UNC79: variants seen among roughly 807,000 people sequenced by gnomAD.
UNC79 encodes the protein protein unc-79 homolog.
UNC79 carries 37 observed loss-of-function variants against 283.1 expected under a neutral mutation model. The ratio of observed to expected loss-of-function variants is 0.13; its 90% CI spans 0.10 to 0.17. UNC79 has a LOEUF of 0.17. Ranked by LOEUF, UNC79 falls within the 10% of genes least tolerant of loss-of-function variation. The pLI is 1.00. For missense variants in UNC79, 2,272 were observed against 3,211.1 expected (o/e 0.71, Z 7.07); for synonymous variants, 1,107 against 1,200.2 (o/e 0.92, Z 1.61).
At chr14:93,373,071 A>T (rs978141102) in intron 1 of UNC79, among the ~76,000 whole-genome samples, 1 of 152,222 alleles carries the variant, frequency 6.6e-6, no homozygotes, top group African/African-American at 2.4e-5. Context: ...ATAACACATG[A>T]GTCAAAGAGG....
chr14:93,630,572 C>A (rs1238685435), intron 30 of UNC79, among the ~76,000 whole-genome samples: 2 of 152,208 alleles, frequency 1.3e-5, no homozygotes, highest in Admixed American at 6.5e-5. Context: ...ATTTTGCTAT[C>A]ATTAATCTCC....
chr14:93,655,544 A>T, intron 38 of UNC79, 137 bp downstream of exon 41: 1 of 1,011,526 alleles, frequency 9.9e-7, no homozygotes, highest in South Asian at 1.8e-5. Context: ...TGGAGTGAGG[A>T]TGCTTATTTG....
chr14:93,522,821 T>C lies in UNC79; in HGVS notation c.899-1157T>C, dbSNP rs1309809740. Among the ~76,000 whole-genome samples the C allele has an allele frequency of 6.6e-5, 10 of 152,276 alleles. 2 individuals are homozygous for C. Among genetic ancestry groups the C allele is most frequent in the Admixed American group, 6.5e-4 (10 of 15,290 alleles). The stretch of plus-strand genomic sequence containing the variant: ...GTATATTTTTAAATGTCAGTCGTTC[T>C]GGTAACTATATTTCCGTGAATCCCC... On this transcript the variant is annotated intron_variant, in intron 7 of 48. Coordinates refer to ENST00000555664, the Ensembl canonical transcript of UNC79.
intron 1 of UNC79, among the ~76,000 whole-genome samples, chr14:93,392,126 C>T (rs1485057011): frequency 4.6e-5 from 7 of 152,174 alleles, no homozygotes; most frequent in African/African-American, 1.7e-4. Flanking sequence ...AGACATGAAT[C>T]TTAATGTATA....
chr14:93,629,754 A>T (rs1465598933), intron 30 of UNC79, among the ~76,000 whole-genome samples: 3 of 152,224 alleles, frequency 2.0e-5, no homozygotes, highest in African/African-American at 7.2e-5. Flanking sequence ...GCAAGAAAAA[A>T]CAATTTGCAC....
At chr14:93,615,443 G>A (rs1016641717) in intron 27 of UNC79, among the ~76,000 whole-genome samples, 1 of 151,956 alleles carries the variant, frequency 6.6e-6, no homozygotes, top group Non-Finnish European at 1.5e-5. Flanking sequence ...TAAAATCAAG[G>A]CTGGGCATGG....
intron 5 of UNC79, among the ~76,000 whole-genome samples, chr14:93,492,574 G>A (rs2058782817): frequency 6.6e-6 from 1 of 152,058 alleles, no homozygotes; most frequent in East Asian, 1.9e-4. Flanking sequence ...GACTGGCCTC[G>A]AACTCCTGAC....
chr14:93,364,975 A>G (rs1226092035), intron 1 of UNC79, among the ~76,000 whole-genome samples: 1 of 152,134 alleles, frequency 6.6e-6, no homozygotes, highest in Admixed American at 6.5e-5. Context: ...GCTCATGACT[A>G]TAATCTCAAC....
At chr14:93,619,830 C>A (rs1467392804) in intron 29 of UNC79, among the ~76,000 whole-genome samples, 2 of 152,124 alleles carry the variant, frequency 1.3e-5, no homozygotes, top group African/African-American at 4.8e-5. Flanking sequence ...AAATACAGGC[C>A]AAACATTATG....
At chr14:93,354,825 T>C (rs556376631) in intron 1 of UNC79, among the ~76,000 whole-genome samples, 178 of 152,144 alleles carry the variant, frequency 1.2e-3, no homozygotes, top group Non-Finnish European at 5.3e-4. Context: ...ATAAGAGATA[T>C]TCAGTCTATA....
intron 1 of UNC79, among the ~76,000 whole-genome samples, chr14:93,419,403 G>A (rs192789247): frequency 5.9e-5 from 9 of 151,466 alleles, no homozygotes; most frequent in Admixed American, 3.9e-4. Context: ...TCCTGACCTC[G>A]TGATCCACCT....
chr14:93,564,768 T>G (rs1267046592), intron 14 of UNC79, among the ~76,000 whole-genome samples: 12 of 150,524 alleles, frequency 8.0e-5, no homozygotes, highest in South Asian at 2.1e-4. Context: ...CTGGCAGGGG[T>G]GGGGGTCACA....
intron 29 of UNC79, chr14:93,620,992 C>A (rs781676705): frequency 3.9e-6 from 2 of 518,176 alleles, no homozygotes; most frequent in Non-Finnish European, 7.7e-6. Context: ...AAAGAATAGG[C>A]GGCAGCAAAA....
chr14:93,596,211 A>G (rs1051745176), intron 23 of UNC79, among the ~76,000 whole-genome samples: 46 of 152,256 alleles, frequency 3.0e-4, no homozygotes, highest in African/African-American at 1.1e-3. Flanking sequence ...TATGTAAATT[A>G]ATGATATGCA....
intron 1 of UNC79, among the ~76,000 whole-genome samples, chr14:93,369,711 A>G (rs2054404803): frequency 6.6e-6 from 1 of 152,328 alleles, no homozygotes; most frequent in African/African-American, 2.4e-5. Context: ...AGCCACGGTA[A>G]GTATCAGAGA....
intron 1 of UNC79, among the ~76,000 whole-genome samples, chr14:93,353,234 C>G (rs1165570371): frequency 6.6e-6 from 1 of 152,142 alleles, no homozygotes; most frequent in Non-Finnish European, 1.5e-5. Flanking sequence ...GACAGTATCT[C>G]ACTGTGTCGC....
rs564784368 is a variant in UNC79, at chr14:93,430,880, G to A, written c.-150G>A. 1.7e-5 allele frequency: 9 copies of A among 520,760 alleles called. No homozygotes were observed. Among genetic ancestry groups the A allele is most frequent in the South Asian group, 1.6e-4 (8 of 48,582 alleles). The allele number at this position is 520,760 out of a possible 1,614,324, so 32.3% of individuals were successfully genotyped here. ...CTGCAATTTGATGTGCGTTTTGTCC[G>A]AATGGTAGCGACACGGGCCTAAGGG... On this transcript the variant is annotated 5_prime_UTR_variant, in exon 1 of 49. Transcript: ENST00000555664. The surrounding 1 kb of genome is among the most constrained non-coding windows in gnomAD (Gnocchi z 4.6).
intron 40 of UNC79, among the ~76,000 whole-genome samples, chr14:93,671,038 C>T (rs942913013): frequency 3.3e-5 from 5 of 152,172 alleles, no homozygotes; most frequent in African/African-American, 4.8e-5. Flanking sequence ...ACCAATTCAA[C>T]ATTCCATCAA....
intron 14 of UNC79, among the ~76,000 whole-genome samples, chr14:93,569,732 C>T (rs1042096913): frequency 6.6e-6 from 1 of 151,998 alleles, no homozygotes; most frequent in Non-Finnish European, 1.5e-5. Context: ...AGGCTGAGGC[C>T]CAGGAAAATT....
Sources: gnomAD v4.1 joint callset for allele counts (sites outside exome capture counted in the v4.1 genomes callset) on GRCh38, gnomAD v4.1.1 for gene constraint, Gnocchi (gnomAD v3.1) non-coding constraint, MANE v1.5 for transcripts, NCBI Gene and HGNC (gene_info 2026-07-23, HGNC 2026-07-21) for gene names.